NHLRC2: variants seen among roughly 807,000 people sequenced by gnomAD.
NHLRC2 encodes the protein NHL repeat containing 2.
In NHLRC2, 33 loss-of-function variants were observed where a neutral mutation model predicts 68.1. The observed-to-expected ratio is 0.48, with a 90% CI of 0.37 to 0.65. The LOEUF is 0.65. Ranked by LOEUF, NHLRC2 falls within the 30% of genes least tolerant of loss-of-function variation. NHLRC2 has a pLI of 0.00. For missense variants in NHLRC2, 761 were observed against 853.8 expected (o/e 0.89, Z 1.35); for synonymous variants, 311 against 309.6 (o/e 1.00, Z -0.05).
intron 6 of NHLRC2, among the ~76,000 whole-genome samples, chr10:113,900,933 ACC>A (rs1846222497): frequency 6.6e-6 from 1 of 152,076 alleles, no homozygotes; most frequent in Non-Finnish European, 1.5e-5. Context: ...ACAACACACT[ACC>A]ATGTCTTTTT....
At chr10:113,887,230 A>G (rs1846090872) in intron 5 of NHLRC2, among the ~76,000 whole-genome samples, 1 of 152,232 alleles carries the variant, frequency 6.6e-6, no homozygotes, top group Non-Finnish European at 1.5e-5. Context: ...GGATGCGGAA[A>G]AAAGAGAACC....
intron 2 of NHLRC2, among the ~76,000 whole-genome samples, chr10:113,862,503 G>A (rs538567591): frequency 2.0e-5 from 3 of 151,344 alleles, no homozygotes; most frequent in African/African-American, 7.3e-5. Context: ...AAACAGTAAT[G>A]TAGAAAATGA....
chr10:113,902,865 A>C (rs983130361), intron 8 of NHLRC2, among the ~76,000 whole-genome samples: 4 of 152,212 alleles, frequency 2.6e-5, no homozygotes, highest in African/African-American at 9.6e-5. Context: ...GCTTAGTAAC[A>C]TATTCAGTAT....
Position 113,917,154 on chromosome 10 carries a change from C to T in NHLRC2, c.*8618C>T, listed in dbSNP as rs1846394848. ...AATGCCTCTTTTCTAAAGCTTTGTA[C>T]ATTTTTTTCGTGAAATAGATTAAAT... On this transcript the variant is annotated 3_prime_UTR_variant, in exon 11 of 11. Coordinates refer to ENST00000369301, the MANE Select transcript of NHLRC2 (RefSeq NM_198514.4). 6.6e-6 allele frequency: 1 copy of T among 152,080 alleles called. No individual in the cohort carries two copies. Among genetic ancestry groups the T allele is most frequent in the Admixed American group, 6.6e-5 (1 of 15,260 alleles). 9.4% of individuals were successfully genotyped at this position (152,080 alleles called of 1,614,324 possible).
chr10:113,870,741 G>A (rs1845915054), intron 2 of NHLRC2, among the ~76,000 whole-genome samples: 1 of 152,168 alleles, frequency 6.6e-6, no homozygotes, highest in Non-Finnish European at 1.5e-5. Flanking sequence ...GTACCAGTTT[G>A]TATTTCTGCT....
intron 5 of NHLRC2, among the ~76,000 whole-genome samples, chr10:113,885,681 T>C (rs965178621): frequency 2.0e-5 from 3 of 152,016 alleles, no homozygotes; most frequent in East Asian, 3.8e-4. Flanking sequence ...TGGACAAATA[T>C]AGCAAGGGAT....
chr10:113,867,914 T>C (rs1328804387), intron 2 of NHLRC2, among the ~76,000 whole-genome samples: 1 of 152,224 alleles, frequency 6.6e-6, no homozygotes, highest in African/African-American at 2.4e-5. Flanking sequence ...ATAAGACTTT[T>C]GAAGCTTTAA....
rs1339616008 is a variant in NHLRC2 at position 113,908,495 on chromosome 10, C to T, written c.2140C>T (p.Gln714Ter). 1 of 1,614,028 alleles carries T rather than the reference C, an allele frequency of 6.2e-7. No homozygotes were observed. The highest frequency in any genetic ancestry group is 8.5e-7 in the Non-Finnish European group (1 of 1,179,942). ...SQPLQITDTQ[Q>*]GCIAPVELRY... is the part of the protein sequence containing the mutation. ...GCCTTTACAAATAACGGATACACAG[C>T]AAGGTTGCATAGCTCCAGTAGAGCT... is the stretch of plus-strand genomic sequence containing the variant. Residue 714 changes from glutamine to a stop codon, truncating the protein, a stop_gained, in exon 11 of 11, where the codon CAA becomes TAA. Coordinates refer to ENST00000369301, the MANE Select transcript of NHLRC2 (RefSeq NM_198514.4). LOFTEE classifies it high-confidence loss of function.
Position 113,876,969 on chromosome 10 carries a change from C to G in NHLRC2, c.780C>G (p.Ser260Arg), listed in dbSNP as rs1845989336. ...VVWKNGQIQY[S>R]IGGPNPGRKD... The stretch of plus-strand genomic sequence containing the variant: ...GGAAGAATGGACAAATTCAATATAG[C>G]ATTGGAGGTAAAACTTGCTTCTGAT... Residue 260 changes from serine to arginine, a missense_variant, in exon 3 of 11, where the codon AGC becomes AGG. By Grantham distance (110) the Ser-to-Arg change is moderately radical (BLOSUM62 -1). Transcript: ENST00000369301. The G allele has an allele frequency of 6.4e-7, 1 of 1,566,498 alleles. No individual in the cohort carries two copies. Among genetic ancestry groups the G allele is most frequent in the Admixed American group, 1.9e-5 (1 of 52,250 alleles).
chr10:113,871,850 CAG>C (rs1199124508), intron 2 of NHLRC2, among the ~76,000 whole-genome samples: 2 of 152,102 alleles, frequency 1.3e-5, no homozygotes, highest in Non-Finnish European at 2.9e-5. Flanking sequence ...TACTAGGAGA[CAG>C]AGAATATCAT....
intron 3 of NHLRC2, 43 bp downstream of exon 3, chr10:113,877,019 TA>T: frequency 3.4e-6 from 4 of 1,169,796 alleles, no homozygotes; most frequent in Admixed American, 2.4e-5. Context: ...TGTTTTACAG[TA>T]AAAAAATAGT....
chr10:113,905,254 T>C (rs2134740967), intron 10 of NHLRC2, among the ~76,000 whole-genome samples: 1 of 152,334 alleles, frequency 6.6e-6, no homozygotes, highest in East Asian at 1.9e-4. Context: ...CACCAAAAGT[T>C]ACAAGTCAGT....
At chr10:113,890,206 G>T (rs1846118891) in intron 5 of NHLRC2, among the ~76,000 whole-genome samples, 1 of 152,172 alleles carries the variant, frequency 6.6e-6, no homozygotes, top group Non-Finnish European at 1.5e-5. Context: ...TCTGCTGGCA[G>T]TGATTTTTCT....
intron 5 of NHLRC2, among the ~76,000 whole-genome samples, chr10:113,890,717 CATTA>C (rs1337223360): frequency 6.6e-6 from 1 of 152,024 alleles, no homozygotes; most frequent in Non-Finnish European, 1.5e-5. Flanking sequence ...TATCTTCAGT[CATTA>C]ATTCTTTCTT....
chr10:113,858,320 A>G (rs889745070), intron 1 of NHLRC2, among the ~76,000 whole-genome samples: 7 of 151,898 alleles, frequency 4.6e-5, no homozygotes, highest in African/African-American at 1.7e-4. Context: ...ATAAAGATAT[A>G]TCTTTTATTT....
intron 4 of NHLRC2, among the ~76,000 whole-genome samples, chr10:113,880,292 T>C (rs572921486): frequency 6.6e-6 from 1 of 152,160 alleles, no homozygotes; most frequent in Admixed American, 6.5e-5. Flanking sequence ...AAAAGCCTTT[T>C]TGTAGAGAAT....
chr10:113,895,152 T>A (rs1410519840), intron 5 of NHLRC2, among the ~76,000 whole-genome samples: 1 of 152,212 alleles, frequency 6.6e-6, no homozygotes, highest in African/African-American at 2.4e-5. Flanking sequence ...TATAGCAGAC[T>A]TCTGGGATTA....
Position 113,876,489 on chromosome 10 carries a change from A to G in NHLRC2, c.332-32A>G, listed in dbSNP as rs1246533594. 8.2e-6 allele frequency: 10 copies of G among 1,220,690 alleles called. No homozygotes were observed. In the Admixed American group the frequency reaches 2.2e-4, roughly 27 times the overall value. 75.6% of individuals were successfully genotyped at this position (1,220,690 alleles called of 1,614,324 possible). A position where few individuals can be genotyped will look rare whatever the true frequency, so the allele number is the denominator to read the frequency against. ...GATGATATTCAAACTTAAATATTTA[A>G]TAATGTTTAACATATAATTTTTTCC... is the stretch of plus-strand genomic sequence containing the variant. On this transcript the variant is annotated intron_variant, in intron 2 of 10. Transcript: ENST00000369301.
rs114924046 is a variant in NHLRC2, at chr10:113,865,659, A to C, written c.331+6979A>C. On this transcript the variant is annotated intron_variant, in intron 2 of 10. Coordinates refer to ENST00000369301, the MANE Select transcript of NHLRC2 (RefSeq NM_198514.4). The stretch of plus-strand genomic sequence containing the variant: ...TGTGCTGAACATGCAGGTTTGTTAC[A>C]TAGTGGAATAAATTTTTAACCATTA... Among the ~76,000 whole-genome samples, 790 of 144,710 alleles carry C rather than the reference A, an allele frequency of 5.5e-3. 7 individuals are homozygous for C. The highest frequency in any genetic ancestry group is 0.019 in the African/African-American group (749 of 38,600). 94.9% of individuals were successfully genotyped at this position (144,710 alleles called of 152,430 possible).
Sources: gnomAD v4.1 joint callset for allele counts (sites outside exome capture counted in the v4.1 genomes callset) on GRCh38, gnomAD v4.1.1 for gene constraint, MANE v1.5 for transcripts, NCBI Gene and HGNC (gene_info 2026-07-23, HGNC 2026-07-21) for gene names.